Variants in CACNA2D3 observed in about 807,000 individuals in gnomAD.
CACNA2D3 encodes voltage-dependent calcium channel subunit alpha-2/delta-3.
In CACNA2D3, 60 loss-of-function variants were observed where a neutral mutation model predicts 160.6. The ratio of observed to expected loss-of-function variants is 0.37; its 90% CI spans 0.30 to 0.46. CACNA2D3 has a LOEUF of 0.46. Among genes scored for constraint, CACNA2D3 ranks in the 20% least tolerant of loss-of-function variants. CACNA2D3 has a pLI of 1.00. For synonymous variants in CACNA2D3, 558 were observed against 492.9 expected, an observed-to-expected ratio of 1.13 and a Z score of -1.75; for missense variants, 1,205 against 1,365.0, an observed-to-expected ratio of 0.88 and a Z score of 1.85.
chr3:55,022,533 T>C (rs1703478833), intron 35 of CACNA2D3, among the ~76,000 whole-genome samples: 1 of 140,832 alleles, frequency 7.1e-6, no homozygotes, highest in African/African-American at 3.2e-5. Flanking sequence ...CTTTCTTCCT[T>C]CCTTCTTTCT....
At chr3:54,754,882 G>A (rs1357428688) in intron 12 of CACNA2D3, among the ~76,000 whole-genome samples, 2 of 152,148 alleles carry the variant, frequency 1.3e-5, no homozygotes, top group East Asian at 3.9e-4. Context: ...AAAAAAGGGG[G>A]CATTTTGGAG....
At chr3:54,629,700 T>C (rs910767292) in intron 10 of CACNA2D3, among the ~76,000 whole-genome samples, 3 of 152,174 alleles carry the variant, frequency 2.0e-5, no homozygotes, top group African/African-American at 7.2e-5. Flanking sequence ...GCAGGTGCCT[T>C]CTTAGGGCTT....
intron 35 of CACNA2D3, among the ~76,000 whole-genome samples, chr3:55,062,808 G>A (rs1333741182): frequency 1.3e-5 from 2 of 152,124 alleles, no homozygotes; most frequent in Non-Finnish European, 2.9e-5. Flanking sequence ...ACTTTTAGCT[G>A]CCCTAGAAGG....
chr3:54,303,343 TGAAAGC>T (rs934093328), intron 2 of CACNA2D3, among the ~76,000 whole-genome samples: 8 of 152,324 alleles, frequency 5.3e-5, no homozygotes, highest in African/African-American at 1.9e-4. Context: ...AGGGCATTGT[TGAAAGC>T]GAAAATTTTC....
intron 11 of CACNA2D3, among the ~76,000 whole-genome samples, chr3:54,707,417 C>G (rs1048557139): frequency 1.5e-4 from 23 of 152,198 alleles, no homozygotes; most frequent in Admixed American, 1.5e-3. Context: ...CTGGCTCATC[C>G]TGCCATCAAT....
intron 2 of CACNA2D3, among the ~76,000 whole-genome samples, chr3:54,205,804 A>T (rs9851662): frequency 0.32 from 47,967 of 151,996 alleles, 9,071 homozygotes; most frequent in African/African-American, 0.53. Flanking sequence ...GCGGTGGAGG[A>T]TGTCCTCTTG....
chr3:55,051,210 C>T lies in CACNA2D3; in HGVS notation c.2988-22235C>T, dbSNP rs537158325. ...TTTTAGAATTTCCAGTTTTTCTGCTCTGTTTTTTCCCCATCTTTGTGGTTT... is the reference window on the plus strand; with the variant it reads ...TTTTAGAATTTCCAGTTTTTCTGCTTTGTTTTTTCCCCATCTTTGTGGTTT... On this transcript the variant is annotated intron_variant, in intron 35 of 37. Coordinates refer to ENST00000474759, the MANE Select transcript of CACNA2D3 (RefSeq NM_018398.3). Among the ~76,000 whole-genome samples the T allele has an allele frequency of 9.9e-5, 15 of 152,282 alleles. No individual in the cohort carries two copies. The South Asian group carries it at 2.7e-3, about 27-fold the overall frequency.
chr3:54,343,189 C>T lies in CACNA2D3; in HGVS notation c.321+22631C>T, dbSNP rs530869892. ...TTCTAGGCCTTCAGTGTGTTTAAAG[C>T]CCCCCCCTCCCACGAGGAGATTGTT... is the stretch of plus-strand genomic sequence containing the variant. On this transcript the variant is annotated intron_variant, in intron 3 of 37. Coordinates refer to ENST00000474759, the MANE Select transcript of CACNA2D3 (RefSeq NM_018398.3). Among the ~76,000 whole-genome samples, 37 of 144,936 alleles carry T rather than the reference C, an allele frequency of 2.6e-4. 1 individual carries two copies. The South Asian group carries it at 8.4e-3, about 33-fold the overall frequency.
At chr3:54,287,098 G>C (rs1703050234) in intron 2 of CACNA2D3, among the ~76,000 whole-genome samples, 1 of 151,816 alleles carries the variant, frequency 6.6e-6, no homozygotes, top group Non-Finnish European at 1.5e-5. Context: ...AAATGTAAAT[G>C]GACTAAATGC....
intron 11 of CACNA2D3, among the ~76,000 whole-genome samples, chr3:54,686,966 A>G (rs1700458495): frequency 6.6e-6 from 1 of 152,100 alleles, no homozygotes; most frequent in Non-Finnish European, 1.5e-5. Context: ...CTTAATAAAA[A>G]GGGCTGTTAG....
intron 11 of CACNA2D3, among the ~76,000 whole-genome samples, chr3:54,686,315 T>C (rs1323056328): frequency 6.6e-6 from 1 of 152,268 alleles, no homozygotes; most frequent in Non-Finnish European, 1.5e-5. Context: ...TAAAGCTTGC[T>C]GACCCCTGAA....
intron 5 of CACNA2D3, among the ~76,000 whole-genome samples, chr3:54,524,033 T>C (rs1701687909): frequency 7.1e-6 from 1 of 141,840 alleles, no homozygotes; most frequent in South Asian, 2.2e-4. Context: ...TTTCTTTCCT[T>C]CTTCTTGCTT....
At chr3:54,842,761 T>TG (rs1469501539) in intron 16 of CACNA2D3, among the ~76,000 whole-genome samples, 3 of 151,572 alleles carry the variant, frequency 2.0e-5, no homozygotes, top group Non-Finnish European at 2.9e-5. Flanking sequence ...CCATCGTGCC[T>TG]GGCTGGTTTT....
intron 2 of CACNA2D3, among the ~76,000 whole-genome samples, chr3:54,131,139 T>C (rs1699698680): frequency 6.6e-6 from 1 of 152,242 alleles, no homozygotes. Context: ...ATTGAGCTTC[T>C]GTGGGGCCTG....
At chr3:54,464,165 G>A (rs920867398) in intron 4 of CACNA2D3, among the ~76,000 whole-genome samples, 70 of 152,318 alleles carry the variant, frequency 4.6e-4, no homozygotes, top group Admixed American at 6.5e-4. Flanking sequence ...GCCGTGTGAG[G>A]TGTCAGTCTG....
chr3:54,441,789 A>T (rs2106795917), intron 4 of CACNA2D3, among the ~76,000 whole-genome samples: 1 of 152,296 alleles, frequency 6.6e-6, no homozygotes, highest in South Asian at 2.1e-4. Context: ...CATTGAAAAG[A>T]TTATCCGTTA....
At chr3:54,213,645 GGATGA>G (rs535999293) in intron 2 of CACNA2D3, among the ~76,000 whole-genome samples, 4 of 152,200 alleles carry the variant, frequency 2.6e-5, no homozygotes, top group Non-Finnish European at 5.9e-5. Context: ...CTGAATGCAG[GGATGA>G]GATGTGGACC....
At chr3:54,801,285 G>A (rs116233660) in intron 13 of CACNA2D3, among the ~76,000 whole-genome samples, 2,031 of 152,262 alleles carry the variant, frequency 0.013, 20 homozygotes, top group Middle Eastern at 0.027. Flanking sequence ...ATCATGCCCG[G>A]CCTGGAATAT....
rs745955167 is a variant in CACNA2D3 at position 54,386,760 on chromosome 3, G to C, written c.367G>C (p.Asp123His). 2.0e-6 allele frequency: 3 copies of C among 1,534,228 alleles called. No individual in the cohort carries two copies. The highest frequency in any genetic ancestry group is 4.7e-5 in the East Asian group (2 of 42,140). The change falls in exon 4 of 38, where the codon GAT (aspartate) becomes CAT (histidine). Residue 123 changes from aspartate (D) to histidine (H), a missense_variant. By Grantham distance (81) the Asp-to-His change is moderately conservative. This residue lies in a region of CACNA2D3 where 163 missense variants were observed against 161.3 expected (regional missense o/e 1.01). Transcript: ENST00000474759. ...AEEAHLKHEF[D>H]ADLQYEYFNA... ...AGAAGCACACCTGAAACATGAATTT[G>C]ATGCAGACTTACAGGTAACTGATTA...
Sources: gnomAD v4.1 joint callset for allele counts (sites outside exome capture counted in the v4.1 genomes callset) on GRCh38, gnomAD v4.1.1 for gene constraint, gnomAD v4.1.1 regional missense constraint, MANE v1.5 for transcripts, NCBI Gene and HGNC (gene_info 2026-07-23, HGNC 2026-07-21) for gene names.